Variants in DMD observed in about 807,000 individuals in gnomAD.
DMD encodes mutant dystrophin.
A neutral mutation model predicts 330.1 loss-of-function variants in DMD; 63 were observed. The ratio of observed to expected loss-of-function variants is 0.19; its 90% CI spans 0.16 to 0.24. DMD has a LOEUF of 0.24. Among genes scored for constraint, DMD ranks in the 10% least tolerant of loss-of-function variants. The pLI, the probability that DMD is intolerant of heterozygous loss-of-function variation, is 1.00. For synonymous variants in DMD, 1,223 were observed against 959.8 expected, an observed-to-expected ratio of 1.27 and a Z score of -5.07; for missense variants, 3,344 against 2,684.1, an observed-to-expected ratio of 1.25 and a Z score of -5.43.
At chrX:31,698,669 T>C (rs2148851841) in intron 52 of DMD, among the ~76,000 whole-genome samples, 1 of 112,456 alleles carries the variant, frequency 8.9e-6, no homozygotes, top group South Asian at 3.7e-4. Flanking sequence ...GGAAGAAACA[T>C]ATATGCTAAC....
intron 55 of DMD, among the ~76,000 whole-genome samples, chrX:31,595,892 T>C (rs1283081731): frequency 1.8e-5 from 2 of 110,971 alleles, no homozygotes; most frequent in African/African-American, 6.5e-5. Context: ...TTATTTAGTG[T>C]AATATTTTTT....
chrX:32,032,288 C>T (rs1319088946), intron 44 of DMD, among the ~76,000 whole-genome samples: 1 of 111,279 alleles, frequency 9.0e-6, no homozygotes, highest in African/African-American at 3.3e-5. Context: ...TGAATCTTTT[C>T]CACATCCCTC....
intron 5 of DMD, among the ~76,000 whole-genome samples, chrX:32,818,685 C>CA (rs1165265670): frequency 1.8e-5 from 2 of 111,466 alleles, no homozygotes; most frequent in African/African-American, 6.5e-5. Flanking sequence ...GGAGGTGCAC[C>CA]ACCAAGATTG....
chrX:32,047,720 C>T (rs923715997), intron 44 of DMD, among the ~76,000 whole-genome samples: 5 of 110,952 alleles, frequency 4.5e-5, no homozygotes, highest in Non-Finnish European at 9.5e-5. Context: ...GGCAGTTTCA[C>T]ATATCATTAA....
At chrX:31,961,740 G>GTTTTTTTTTTTGTTTTTTTTTT (rs775099231) in intron 45 of DMD, among the ~76,000 whole-genome samples, 21 of 75,636 alleles carry the variant, frequency 2.8e-4, no homozygotes, top group African/African-American at 1.1e-3. Context: ...AAAGGAAGCG[G>GTTTTTTTTTTTGTTTTTTTTTT]TTTTTTTTTT....
At chrX:32,583,954 A>C (rs1470147595) in intron 13 of DMD, among the ~76,000 whole-genome samples, 1 of 111,708 alleles carries the variant, frequency 9.0e-6, no homozygotes, top group African/African-American at 3.3e-5. Flanking sequence ...AAAATATTGA[A>C]GTGAACTATG....
chrX:31,950,009 C>A (rs1428963300), intron 45 of DMD, among the ~76,000 whole-genome samples: 1 of 110,117 alleles, frequency 9.1e-6, no homozygotes, highest in African/African-American at 3.3e-5. Context: ...TCTGCTCTAA[C>A]CCCCGTTATT....
chrX:33,022,067 T>A (rs1050371971), intron 1 of DMD, among the ~76,000 whole-genome samples: 1 of 111,710 alleles, frequency 9.0e-6, no homozygotes, highest in Non-Finnish European at 1.9e-5. Flanking sequence ...CAGTAGTATA[T>A]ACATATATTC....
At chrX:33,226,770 G>A (rs773084429) in intron 1 of DMD, among the ~76,000 whole-genome samples, 1 of 110,302 alleles carries the variant, frequency 9.1e-6, no homozygotes, top group South Asian at 3.8e-4. Flanking sequence ...ACAACTGCAT[G>A]TGAATTTACA....
At chrX:33,212,787 G>C (rs754390137), upstream of DMD, among the ~76,000 whole-genome samples, 2 of 111,468 alleles carry the variant, frequency 1.8e-5, no homozygotes, top group Non-Finnish European at 3.8e-5. Flanking sequence ...CTTTTCCCTA[G>C]GTCACCTCCT....
chrX:31,722,891 C>CA (rs752811071), intron 52 of DMD, among the ~76,000 whole-genome samples: 52 of 109,643 alleles, frequency 4.7e-4, no homozygotes, highest in African/African-American at 1.7e-3. Context: ...ACTAAAAATA[C>CA]AAAAAAATTA....
intron 44 of DMD, among the ~76,000 whole-genome samples, chrX:32,090,848 C>T (rs1045560475): frequency 1.8e-5 from 2 of 111,088 alleles, no homozygotes; most frequent in African/African-American, 3.3e-5. Context: ...GATGCTTCAA[C>T]ACAGGCCATC....
chrX:32,280,865 G>T (rs774939538), intron 43 of DMD, among the ~76,000 whole-genome samples: 2 of 112,310 alleles, frequency 1.8e-5, no homozygotes, highest in Non-Finnish European at 3.8e-5. Context: ...TCAGTAGAAA[G>T]ATTACAACTG....
intron 41 of DMD, among the ~76,000 whole-genome samples, chrX:32,327,666 C>A (rs1175075113): frequency 3.6e-5 from 4 of 111,196 alleles, no homozygotes; most frequent in African/African-American, 1.3e-4. Flanking sequence ...CCTAAAATAG[C>A]TTGTTCTCTG....
intron 45 of DMD, among the ~76,000 whole-genome samples, chrX:31,935,984 G>A (rs188490778): frequency 9.0e-6 from 1 of 110,566 alleles, no homozygotes; most frequent in East Asian, 2.8e-4. Flanking sequence ...TCATAGTTGA[G>A]ATTTATATGT....
At chrX:31,833,246 G>T (rs1250519216) in intron 49 of DMD, among the ~76,000 whole-genome samples, 1 of 97,736 alleles carries the variant, frequency 1.0e-5, no homozygotes, top group African/African-American at 3.9e-5. Context: ...ATAAATAAAA[G>T]TATGTGTGTA....
chrX:32,739,701 T>TAACACAA (rs2148162069), intron 7 of DMD, among the ~76,000 whole-genome samples: 1 of 111,596 alleles, frequency 9.0e-6, no homozygotes, highest in East Asian at 2.9e-4. Context: ...AGTACCACTG[T>TAACACAA]TGAAGTGTTT....
chrX:32,220,853 A>G (rs1458788463), intron 43 of DMD, among the ~76,000 whole-genome samples: 1 of 108,871 alleles, frequency 9.2e-6, no homozygotes, highest in Non-Finnish European at 1.9e-5. Context: ...TTTCTAGGAA[A>G]AAAAGTTTTT....
chrX:32,929,566 T>C (rs1037785110), intron 2 of DMD, among the ~76,000 whole-genome samples: 3 of 111,349 alleles, frequency 2.7e-5, no homozygotes, highest in Non-Finnish European at 5.7e-5. Flanking sequence ...TACTTTTCTT[T>C]TATATTATTA....
Sources: allele counts gnomAD v4.1 joint callset (sites outside exome capture counted in the v4.1 genomes callset), GRCh38; gene constraint gnomAD v4.1.1; transcripts MANE v1.5; gene names NCBI Gene and HGNC (gene_info 2026-07-23, HGNC 2026-07-21).